The following MBNL1 variants were observed in gnomAD, a reference collection of about 807,000 sequenced individuals.
MBNL1 encodes the protein muscleblind-like protein 1.
MBNL1 carries 8 observed loss-of-function variants against 42.2 expected under a neutral mutation model. The observed-to-expected ratio is 0.19, with a 90% CI of 0.11 to 0.34. MBNL1 has a LOEUF of 0.34. MBNL1 is among the 10% of genes least tolerant of loss of function. The probability of loss-of-function intolerance (pLI) is 1.00; values close to 1 mark genes in which losing one functional copy is unlikely to be tolerated. For synonymous variants in MBNL1, 169 were observed against 173.9 expected (o/e 0.97, Z 0.22); for missense variants, 309 against 495.3 (o/e 0.62, Z 3.57).
intron 2 of MBNL1, among the ~76,000 whole-genome samples, chr3:152,402,031 CAAAAA>C (rs35675539): frequency 1.9e-5 from 2 of 104,482 alleles, no homozygotes; most frequent in Admixed American, 9.7e-5. Flanking sequence ...GACTCTGTCT[CAAAAA>C]AAAAAAAAAA....
intron 2 of MBNL1, among the ~76,000 whole-genome samples, chr3:152,387,251 T>C (rs1375566685): frequency 1.3e-5 from 2 of 151,922 alleles, no homozygotes; most frequent in Non-Finnish European, 2.9e-5. Context: ...ATTTTTTTTT[T>C]TTTTTTTGGT....
intron 2 of MBNL1, chr3:152,262,601 A>G (rs2036484215): frequency 6.6e-6 from 1 of 152,246 alleles, no homozygotes; most frequent in Non-Finnish European, 1.5e-5. Flanking sequence ...TTAGAAATAA[A>G]TAAGACAATG....
At chr3:152,253,292 TTC>T (rs1396479160) in intron 2 of MBNL1, among the ~76,000 whole-genome samples, 2 of 152,076 alleles carry the variant, frequency 1.3e-5, no homozygotes. Context: ...CTTAATTTCA[TTC>T]TCTCTTTTCC....
At chr3:152,306,897 T>C (rs2063430003) in intron 2 of MBNL1, among the ~76,000 whole-genome samples, 2 of 152,242 alleles carry the variant, frequency 1.3e-5, no homozygotes, top group South Asian at 4.1e-4. Context: ...CTTGCTTATT[T>C]AGTAAATAAA....
At chr3:152,284,062 C>T (rs753406943) in intron 1 of MBNL1, among the ~76,000 whole-genome samples, 24 of 152,026 alleles carry the variant, frequency 1.6e-4, no homozygotes, top group Non-Finnish European at 2.8e-4. Flanking sequence ...CAAGTATTCT[C>T]GCTATATCTA....
intron 5 of MBNL1, 112 bp from the exon 6 acceptor site, chr3:152,447,508 C>T: frequency 1.8e-6 from 1 of 566,684 alleles, no homozygotes; most frequent in South Asian, 3.2e-5. Flanking sequence ...TAGTTAAGTG[C>T]TCTGCTGCTT....
intron 2 of MBNL1, among the ~76,000 whole-genome samples, chr3:152,247,998 GT>G (rs1053352440): frequency 2.0e-5 from 3 of 150,182 alleles, no homozygotes; most frequent in East Asian, 1.9e-4. Flanking sequence ...TGAGCCTTTA[GT>G]TTTTTTTTAA....
chr3:152,382,930 G>A (rs1248093090), intron 2 of MBNL1, among the ~76,000 whole-genome samples: 1 of 152,052 alleles, frequency 6.6e-6, no homozygotes, highest in African/African-American at 2.4e-5. Flanking sequence ...CATCTCTTGA[G>A]GAATGATTCT....
intron 2 of MBNL1, among the ~76,000 whole-genome samples, chr3:152,363,491 G>T (rs1205674352): frequency 6.6e-6 from 1 of 152,172 alleles, no homozygotes; most frequent in Non-Finnish European, 1.5e-5. Context: ...TTTCTGAGAA[G>T]AGGAGGATGA....
intron 2 of MBNL1, among the ~76,000 whole-genome samples, chr3:152,338,918 T>A (rs1293580040): frequency 6.6e-6 from 1 of 152,186 alleles, no homozygotes; most frequent in Non-Finnish European, 1.5e-5. Context: ...CAATTTTTTT[T>A]ATTCGGACTC....
chr3:152,453,101 G>A (rs1311073171), intron 6 of MBNL1, among the ~76,000 whole-genome samples: 3 of 151,778 alleles, frequency 2.0e-5, no homozygotes, highest in African/African-American at 7.3e-5. Flanking sequence ...CCAATTTTGA[G>A]AATAATCCAA....
At chr3:152,305,357 A>G (rs2062518826) in intron 2 of MBNL1, among the ~76,000 whole-genome samples, 3 of 152,184 alleles carry the variant, frequency 2.0e-5, no homozygotes, top group Admixed American at 6.5e-5. Context: ...CTTGCCAAGG[A>G]TAAGTAGAGG....
chr3:152,297,131 A>G (rs147237696), intron 1 of MBNL1, among the ~76,000 whole-genome samples: 17 of 152,276 alleles, frequency 1.1e-4, no homozygotes, highest in Non-Finnish European at 2.2e-4. Context: ...GAAGAGAAGG[A>G]GTAAAGACAT....
chr3:152,258,326 C>T (rs1264288803), intron 2 of MBNL1, among the ~76,000 whole-genome samples: 1 of 152,158 alleles, frequency 6.6e-6, no homozygotes, highest in Non-Finnish European at 1.5e-5. Flanking sequence ...ACAAGGTAGA[C>T]ATTTTAAGTT....
At chr3:152,269,298 T>C in intron 1 of MBNL1, 2 of 352,040 alleles carry the variant, frequency 5.7e-6, no homozygotes, top group Admixed American at 7.6e-5. Flanking sequence ...CAGCCGCTCC[T>C]GCGCCCTTCC....
At chr3:152,384,622 TG>T (rs1452821780) in intron 2 of MBNL1, among the ~76,000 whole-genome samples, 1 of 152,134 alleles carries the variant, frequency 6.6e-6, no homozygotes, top group Non-Finnish European at 1.5e-5. Flanking sequence ...GTCACAGTGC[TG>T]GTTAGTGACC....
chr3:152,290,048 A>G (rs1577215191), intron 1 of MBNL1, among the ~76,000 whole-genome samples: 1 of 152,120 alleles, frequency 6.6e-6, no homozygotes, highest in Admixed American at 6.5e-5. Context: ...CATAATGATT[A>G]ATAGTTAAAT....
chr3:152,268,209 A>G (rs1048689865), upstream of MBNL1: 13 of 154,014 alleles, frequency 8.4e-5, no homozygotes, highest in Admixed American at 7.7e-4. Context: ...TTGGGAATAC[A>G]GTGGCCTGTA....
intron 2 of MBNL1, among the ~76,000 whole-genome samples, chr3:152,332,692 T>TTGTG (rs71144115): frequency 0.017 from 2,282 of 132,918 alleles, 29 homozygotes; most frequent in Non-Finnish European, 0.024. Context: ...TTTCATGGTT[T>TTGTG]TGTGTGTGTG....
Sources: allele counts gnomAD v4.1 joint callset (sites outside exome capture counted in the v4.1 genomes callset), GRCh38; gene constraint gnomAD v4.1.1; transcripts MANE v1.5; gene names NCBI Gene and HGNC (gene_info 2026-07-23, HGNC 2026-07-21).